The following TTC39A variants were observed in gnomAD, a reference collection of about 807,000 sequenced individuals.
TTC39A encodes the protein tetratricopeptide repeat protein 39A.
Under a neutral mutation model 82.3 loss-of-function variants are expected in TTC39A, and 46 were observed. That is an observed-to-expected ratio of 0.56 (90% confidence interval 0.44 to 0.71). The LOEUF (loss-of-function observed/expected upper bound fraction) is 0.71, where lower values mean the gene tolerates loss of function less well. Ranked by LOEUF, TTC39A falls within the 30% of genes least tolerant of loss-of-function variation. The pLI, the probability that TTC39A is intolerant of heterozygous loss-of-function variation, is 0.00. For synonymous variants in TTC39A, 254 were observed against 275.2 expected, an observed-to-expected ratio of 0.92 and a Z score of 0.76; for missense variants, 543 against 712.9, an observed-to-expected ratio of 0.76 and a Z score of 2.71.
chr1:51,330,579 C>T, upstream of TTC39A: 2 of 982,488 alleles, frequency 2.0e-6, no homozygotes, highest in South Asian at 4.6e-5. The surrounding 1 kb of genome is among the most constrained non-coding windows in gnomAD (Gnocchi z 4.5). Flanking sequence ...GCGGACGCGG[C>T]GGCCGGGGAG....
chr1:51,338,613 T>C (rs908717159), intron 1 of TTC39A, among the ~76,000 whole-genome samples: 1 of 147,170 alleles, frequency 6.8e-6, no homozygotes, highest in African/African-American at 2.5e-5. Flanking sequence ...TTTTTTTTTT[T>C]TTTTTTTTGA....
intron 1 of TTC39A, among the ~76,000 whole-genome samples, chr1:51,322,654 G>A (rs193296550): frequency 6.1e-4 from 93 of 152,242 alleles, no homozygotes; most frequent in African/African-American, 2.0e-3. Flanking sequence ...TGACTTTTCT[G>A]GGTCTCAGCT....
Position 51,302,533 on chromosome 1 carries a change from C to T in TTC39A, c.804G>A (p.Leu268=), listed in dbSNP as rs780711438. 1.9e-6 allele frequency: 3 copies of T among 1,609,042 alleles called. No homozygotes were observed. In the African/African-American group the frequency reaches 4.0e-5, roughly 22 times the overall value. The change falls in exon 10 of 18, where the codon TTG becomes TTA. Residue 268 remains leucine, a synonymous_variant. Transcript: ENST00000680483. ...NVNIEEAEKL[L]KPYLNRYPKG... Reference sequence around the variant, plus strand: ...TAGGGTACCGGTTCAGGTAGGGCTTCAAGAGCTTCTCGGCCTCCTCGATGT... The same window carrying T: ...TAGGGTACCGGTTCAGGTAGGGCTTTAAGAGCTTCTCGGCCTCCTCGATGT...
chr1:51,344,942 C>G (rs564452602), intron 1 of TTC39A: 3 of 1,525,798 alleles, frequency 2.0e-6, no homozygotes, highest in East Asian at 5.4e-5. Context: ...TCCGGCGGCC[C>G]CTTGGTCCCG....
At position 51,344,098 on chromosome 1, in the gene TTC39A, T is replaced by C. The variant is rs74828345; in HGVS notation, c.53+893A>G. Among the ~76,000 whole-genome samples, 1,271 of 152,148 alleles carry C rather than the reference T, an allele frequency of 8.4e-3. 18 individuals are homozygous for C. Among genetic ancestry groups the C allele is most frequent in the African/African-American group, 0.028 (1,159 of 41,502 alleles). On this transcript the variant is annotated intron_variant, in intron 1 of 5. Coordinates refer to the TTC39A transcript ENST00000401051. Reference sequence around the variant, plus strand: ...GGGGTGGGAGAAAGGTAGGGAGGTGTCAGGGATGACTCCCAGGTTTCGGGC... The same window carrying C: ...GGGGTGGGAGAAAGGTAGGGAGGTGCCAGGGATGACTCCCAGGTTTCGGGC...
At position 51,312,190 on chromosome 1, in the gene TTC39A, C is replaced by T. The variant is rs767088422; in HGVS notation, c.284G>A (p.Arg95Gln). 11 of 1,606,322 alleles carry T rather than the reference C, an allele frequency of 6.8e-6. No homozygotes were observed. The highest frequency in any genetic ancestry group is 2.7e-5 in the African/African-American group (2 of 74,772). ...KEAQMLCQRH[R>Q]RKSSVTDSFS... ...GGAATCTGTTACAGAAGACTTCCTC[C>T]GGTGCCTGAAGAGGAAAAAGAGGGG... The change falls in exon 4 of 18, where the codon CGG (arginine) becomes CAG (glutamine). Residue 95 changes from arginine (R) to glutamine (Q), a missense_variant. Physicochemically the swap from Arg to Gln is conservative, Grantham distance 43. Coordinates refer to ENST00000680483, the MANE Select transcript of TTC39A (RefSeq NM_001297663.2).
rs201564684 is a variant in TTC39A, at chr1:51,290,001, T to C, written c.1493+4A>G. On this transcript the variant is annotated splice_donor_region_variant and intron_variant, in intron 16 of 17. Coordinates refer to ENST00000680483, the MANE Select transcript of TTC39A (RefSeq NM_001297663.2). The stretch of plus-strand genomic sequence containing the variant: ...CCAGAAGGAGCAGCTGCAGAGGCAC[T>C]TACTTGGCAGAGATGCTCCTAAAAT... 22 of 1,611,892 alleles carry C rather than the reference T, an allele frequency of 1.4e-5. No individual in the cohort carries two copies. The East Asian group carries it at 4.2e-4, about 31-fold the overall frequency.
At chr1:51,344,871 C>G (rs1240915281) in intron 1 of TTC39A, 6 of 1,264,744 alleles carry the variant, frequency 4.7e-6, no homozygotes, top group Middle Eastern at 1.9e-4. Flanking sequence ...CCACGCCCAG[C>G]AGCCACACAC....
chr1:51,290,472 C>T (rs749836362), intron 15 of TTC39A, 42 bp downstream of exon 15: 12 of 1,573,496 alleles, frequency 7.6e-6, no homozygotes, highest in Admixed American at 3.6e-5. Flanking sequence ...GCTGTAAAGA[C>T]CTGACCTAGC....
chr1:51,301,260 G>T (rs1001389251), intron 12 of TTC39A: 8 of 264,532 alleles, frequency 3.0e-5, no homozygotes, highest in Non-Finnish European at 5.1e-5. Context: ...TGCTCATTGT[G>T]CACATGTGGC....
intron 1 of TTC39A, among the ~76,000 whole-genome samples, chr1:51,327,381 AT>A (rs1645751624): frequency 6.6e-6 from 1 of 152,196 alleles, no homozygotes; most frequent in Non-Finnish European, 1.5e-5. Flanking sequence ...TGCAAAAATG[AT>A]TGTGACTCTC....
intron 1 of TTC39A, among the ~76,000 whole-genome samples, chr1:51,338,144 A>G (rs1237277594): frequency 1.3e-5 from 2 of 152,264 alleles, no homozygotes; most frequent in Non-Finnish European, 2.9e-5. Flanking sequence ...ACCGAATATT[A>G]AAAAGAAAAC....
At chr1:51,336,398 TTGGGCCAAGAACTCA>T (rs1645975317) in intron 1 of TTC39A, among the ~76,000 whole-genome samples, 1 of 152,024 alleles carries the variant, frequency 6.6e-6, no homozygotes, top group African/African-American at 2.4e-5. Context: ...GGAGAGAAAT[TTGGGCCAAGAACTCA>T]TGGGCCCTCC....
At chr1:51,300,943 T>C (rs1388351355) in intron 12 of TTC39A, 2 of 152,268 alleles carry the variant, frequency 1.3e-5, no homozygotes, top group African/African-American at 4.8e-5. Context: ...CGTGGCCACC[T>C]TGCCTGTCAC....
chr1:51,329,122 G>A (rs1356600222), intron 1 of TTC39A, among the ~76,000 whole-genome samples: 1 of 152,202 alleles, frequency 6.6e-6, no homozygotes, highest in Non-Finnish European at 1.5e-5. Flanking sequence ...GGTTGTAGAG[G>A]GCACTTAGGC....
At chr1:51,332,965 C>A (rs1396036119), upstream of TTC39A, among the ~76,000 whole-genome samples, 1 of 152,102 alleles carries the variant, frequency 6.6e-6, no homozygotes, top group Non-Finnish European at 1.5e-5. Flanking sequence ...GTAATCCCAG[C>A]ACTTTGGGAG....
chr1:51,343,136 A>C, intron 1 of TTC39A: 1 of 448,038 alleles, frequency 2.2e-6, no homozygotes, highest in South Asian at 1.6e-5. Flanking sequence ...AAATCATCCC[A>C]TGTCCTCATC....
intron 14 of TTC39A, among the ~76,000 whole-genome samples, chr1:51,291,986 A>T (rs1384294803): frequency 7.2e-5 from 11 of 152,130 alleles, no homozygotes; most frequent in African/African-American, 2.7e-4. Context: ...TGAGCCCTGG[A>T]GTTCAACACC....
chr1:51,302,251 GCCCCCA>G, intron 11 of TTC39A, 100 bp downstream of exon 11: 4 of 511,156 alleles, frequency 7.8e-6, no homozygotes, highest in Admixed American at 3.2e-5. Context: ...CCCCCCCCCC[GCCCCCA>G]GTCTATCCTG....
Sources: gnomAD v4.1 joint callset for allele counts (sites outside exome capture counted in the v4.1 genomes callset) on GRCh38, gnomAD v4.1.1 for gene constraint, Gnocchi (gnomAD v3.1) non-coding constraint, MANE v1.5 for transcripts, NCBI Gene and HGNC (gene_info 2026-07-23, HGNC 2026-07-21) for gene names.